The following FHIP2B variants were observed in gnomAD, a reference collection of about 807,000 sequenced individuals.
The protein encoded by FHIP2B is FHF complex subunit HOOK-interacting protein 2B.
FHIP2B carries 72 observed loss-of-function variants against 84.0 expected under a neutral mutation model. That is an observed-to-expected ratio of 0.86 (90% CI 0.71 to 1.04). FHIP2B has a LOEUF of 1.04. Ranked by LOEUF, FHIP2B falls within the 50% of genes least tolerant of loss-of-function variation. The probability of loss-of-function intolerance (pLI) is 0.00; values close to 1 mark genes in which losing one functional copy is unlikely to be tolerated. For synonymous variants in FHIP2B, 497 were observed against 418.7 expected (o/e 1.19, Z -2.28); for missense variants, 972 against 968.9 (o/e 1.00, Z -0.04).
In FHIP2B at chr8:22,089,229, C is replaced by G; in HGVS notation, c.-25C>G. ...GAGCGCTGCCGCCGCCGCTTTCGCC[C>G]GGGAGCCGGGGGCCGGGCGCCATCA... On this transcript the variant is annotated 5_prime_UTR_variant, in exon 1 of 17. Transcript: ENST00000289921. 1 of 1,060,258 alleles carries G rather than the reference C, an allele frequency of 9.4e-7. No individual in the cohort carries two copies. Among genetic ancestry groups the G allele is most frequent in the Non-Finnish European group, 1.1e-6 (1 of 879,480 alleles). 65.7% of individuals were successfully genotyped at this position (1,060,258 alleles called of 1,614,324 possible).
At position 22,102,394 on chromosome 8, in the gene FHIP2B, G is replaced by C; in HGVS notation, c.1992+79G>C. 5 of 1,439,824 alleles carry C rather than the reference G, an allele frequency of 3.5e-6. No individual in the cohort carries two copies. In the South Asian group the frequency reaches 6.4e-5, roughly 18 times the overall value. The allele number at this position is 1,439,824 out of a possible 1,614,324, so 89.2% of individuals were successfully genotyped here. On this transcript the variant is annotated intron_variant, in intron 15 of 16. Transcript: ENST00000289921. The stretch of plus-strand genomic sequence containing the variant: ...GGGAAAGGGAACGGGGCAGGTGGTT[G>C]GGGGCTGGAGGGGTGGGCACCCTTG...
In FHIP2B at chr8:22,094,491, A is replaced by G. The variant is rs1273777620; in HGVS notation, c.97A>G (p.Ile33Val). The G allele has an allele frequency of 6.2e-7, 1 of 1,611,830 alleles. No individual in the cohort carries two copies. The highest frequency in any genetic ancestry group is 8.5e-7 in the Non-Finnish European group (1 of 1,179,066). Residue 33 changes from isoleucine to valine, a missense_variant, in exon 2 of 17, where the codon ATC becomes GTC. By Grantham distance (29) the Ile-to-Val change is conservative. Transcript: ENST00000289921. ...GGCCTTCGTGGAGCACTGGAAGGGCATCACGCACTACTACATCGAGAGCAC... is the reference window on the plus strand; with the variant it reads ...GGCCTTCGTGGAGCACTGGAAGGGCGTCACGCACTACTACATCGAGAGCAC... Reference protein sequence around the residue: ...LQAFVEHWKGITHYYIESTDE... With the variant: ...LQAFVEHWKGVTHYYIESTDE...
rs997295515 is a variant in FHIP2B, at chr8:22,104,298, C to T, written c.*1367C>T. The T allele has an allele frequency of 6.6e-6, 1 of 152,400 alleles. No homozygotes were observed. Among genetic ancestry groups the T allele is most frequent in the African/African-American group, 2.4e-5 (1 of 41,406 alleles). The allele number at this position is 152,400 out of a possible 1,614,324, so 9.4% of individuals were successfully genotyped here. On this transcript the variant is annotated 3_prime_UTR_variant, in exon 17 of 17. Transcript: ENST00000289921. The stretch of plus-strand genomic sequence containing the variant: ...TATTCGAGGGTTTGGGAGTCACAGA[C>T]CCTCCCCTCTCCTCAGTGCACTTTG...
Position 22,100,745 on chromosome 8 carries a change from T to G in FHIP2B, c.1487+6T>G. ...GAGAGCTATGAGGACACCCTGTAAG[T>G]GAAACCGGCGCCCTTTGGACTCAGC... On this transcript the variant is annotated splice_donor_region_variant and intron_variant, in intron 11 of 16. Transcript: ENST00000289921. 1 of 1,604,630 alleles carries G rather than the reference T, an allele frequency of 6.2e-7. No homozygotes were observed. The highest frequency in any genetic ancestry group is 8.5e-7 in the Non-Finnish European group (1 of 1,174,102).
Position 22,104,831 on chromosome 8 carries a change from T to TTAAA in FHIP2B, c.*1900_*1901insTAAA, listed in dbSNP as rs370807518. On this transcript the variant is annotated 3_prime_UTR_variant, in exon 17 of 17. Coordinates refer to ENST00000289921, the MANE Select transcript of FHIP2B (RefSeq NM_022749.7). ...CTGGGCAATAGAGTAAGACCCTGTC[T>TTAAA]AAAAAAAAAAAAAAAAAATTTCACA... is the stretch of plus-strand genomic sequence containing the variant. 7.9e-6 allele frequency: 1 copy of TTAAA among 126,520 alleles called. No homozygotes were observed. Among genetic ancestry groups the TTAAA allele is most frequent in the Non-Finnish European group, 1.7e-5 (1 of 60,430 alleles). The allele number at this position is 126,520 out of a possible 1,614,324, so 7.8% of individuals were successfully genotyped here.
intron 2 of FHIP2B, 190 bp downstream of exon 2, chr8:22,094,708 A>C: frequency 1.4e-6 from 2 of 1,413,308 alleles, no homozygotes; most frequent in Non-Finnish European, 1.8e-6. Context: ...ACTCCTGATG[A>C]TTTAGCTGCC....
chr8:22,094,620 C>T (rs1225529062), intron 2 of FHIP2B, 102 bp downstream of exon 2: 2 of 1,570,886 alleles, frequency 1.3e-6, no homozygotes, highest in South Asian at 1.1e-5. Flanking sequence ...GTAACCTGCC[C>T]AGTCGTTCAG....
At position 22,102,533 on chromosome 8, in the gene FHIP2B, C is replaced by T. The variant is rs771301894; in HGVS notation, c.1998C>T (p.Ile666=). ...RSLFSVLVRV[I]GDLMQRIQRV... ...CCCTGTGATTCCCGCTGTAGGTGAT[C>T]GGGGACTTGATGCAGAGAATCCAGA... is the stretch of plus-strand genomic sequence containing the variant. Residue 666 remains isoleucine, a synonymous_variant, in exon 16 of 17, where the codon ATC becomes ATT. Transcript: ENST00000289921. The T allele has an allele frequency of 3.3e-5, 51 of 1,557,082 alleles. No homozygotes were observed. In the Admixed American group the frequency reaches 7.6e-4, roughly 23 times the overall value.
intron 8 of FHIP2B, 105 bp downstream of exon 8, chr8:22,099,161 T>TAAG (rs1825959849): frequency 6.7e-7 from 1 of 1,498,728 alleles, no homozygotes; most frequent in Admixed American, 2.0e-5. Context: ...GTCCAGGAGC[T>TAAG]AAGCGGGGCC....
chr8:22,104,278 G>C lies in FHIP2B; in HGVS notation c.*1347G>C, dbSNP rs1367529529. ...GGACTCTTAGATTCATAAAATATTC[G>C]AGGGTTTGGGAGTCACAGACCCTCC... is the stretch of plus-strand genomic sequence containing the variant. On this transcript the variant is annotated 3_prime_UTR_variant, in exon 17 of 17. Coordinates refer to ENST00000289921, the MANE Select transcript of FHIP2B (RefSeq NM_022749.7). 1 of 152,360 alleles carries C rather than the reference G, an allele frequency of 6.6e-6. No individual in the cohort carries two copies. Among genetic ancestry groups the C allele is most frequent in the South Asian group, 2.1e-4 (1 of 4,832 alleles). The allele number at this position is 152,360 out of a possible 1,614,324, so 9.4% of individuals were successfully genotyped here.
At chr8:22,099,662 T>G in intron 9 of FHIP2B, 42 bp from the exon 10 acceptor site, 1 of 1,531,772 alleles carries the variant, frequency 6.5e-7, no homozygotes, top group Non-Finnish European at 8.7e-7. Context: ...TCATGTGCTG[T>G]CTGCACACAC....
chr8:22,094,524 G>T lies in FHIP2B; in HGVS notation c.124+6G>T, dbSNP rs200684768. ...CTACTACATCGAGAGCACAGGTGCG[G>T]CCTGGCCCTCCCCAGCCCAGGGACC... On this transcript the variant is annotated splice_donor_region_variant and intron_variant, in intron 2 of 16. Coordinates refer to ENST00000289921, the MANE Select transcript of FHIP2B (RefSeq NM_022749.7). The T allele has an allele frequency of 6.2e-7, 1 of 1,609,920 alleles. No homozygotes were observed. Among genetic ancestry groups the T allele is most frequent in the Non-Finnish European group, 8.5e-7 (1 of 1,178,364 alleles).
rs1300736423 is a variant in FHIP2B, at chr8:22,100,543, T to C, written c.1342-51T>C. On this transcript the variant is annotated intron_variant, in intron 10 of 16. Transcript: ENST00000289921. ...TGGGTTAGCCATGCCAAGGCACCCC[T>C]GGGAGCTGGGTGGGGAAGGGGCTAT... is the stretch of plus-strand genomic sequence containing the variant. 2.7e-6 allele frequency: 4 copies of C among 1,486,478 alleles called. 1 individual carries two copies. Among genetic ancestry groups the C allele is most frequent in the Non-Finnish European group, 3.6e-6 (4 of 1,118,422 alleles). The allele number at this position is 1,486,478 out of a possible 1,614,324, so 92.1% of individuals were successfully genotyped here. A position where few individuals can be genotyped will look rare whatever the true frequency, so the allele number is the denominator to read the frequency against.
At position 22,098,220 on chromosome 8, in the gene FHIP2B, C is replaced by T. The variant is rs377271906; in HGVS notation, c.678C>T (p.Asn226=). The part of the protein sequence containing the change: ...DGESCGAQAL[N]SHMPAETEEL... The stretch of plus-strand genomic sequence containing the variant: ...AGTCCTGTGGGGCCCAGGCCTTGAA[C>T]AGCCACATGCCTGCTGAGACCGAGG... The change falls in exon 6 of 17, where the codon AAC becomes AAT. Residue 226 remains asparagine (N), a synonymous_variant. Transcript: ENST00000289921. 2.3e-5 allele frequency: 37 copies of T among 1,587,972 alleles called. No homozygotes were observed. The African/African-American group carries it at 4.0e-4, about 17-fold the overall frequency.
chr8:22,101,419 A>C (rs779299020), intron 12 of FHIP2B, 21 bp from the exon 13 acceptor site: 9 of 1,587,344 alleles, frequency 5.7e-6, no homozygotes, highest in Non-Finnish European at 7.7e-6. Context: ...GAGCGCCTCC[A>C]CACCGGCTTC....
chr8:22,098,298 G>A lies in FHIP2B; in HGVS notation c.756G>A (p.Leu252=), dbSNP rs772236485. The A allele has an allele frequency of 1.9e-6, 3 of 1,561,176 alleles. No individual in the cohort carries two copies. The highest frequency in any genetic ancestry group is 2.3e-5 in the East Asian group (1 of 44,044). Residue 252 remains leucine, a synonymous_variant, in exon 6 of 17, where the codon CTG becomes CTA. Coordinates refer to ENST00000289921, the MANE Select transcript of FHIP2B (RefSeq NM_022749.7). Reference sequence around the variant, plus strand: ...ACCTGATTACCTCCCTGCTTGGGCTGTGCCAGAGCAAGGTGCTGGCAGCAG... The same window carrying A: ...ACCTGATTACCTCCCTGCTTGGGCTATGCCAGAGCAAGGTGCTGGCAGCAG... ...ESNLITSLLG[L]CQSKKSRVAL...
rs983685802 is a variant in FHIP2B, at chr8:22,094,953, G to A, written c.124+435G>A. ...GGCAATGTCCTTGTAGAGATCTGGG[G>A]TAGGAGGAGAACGAAAACCAAGGTG... On this transcript the variant is annotated intron_variant, in intron 2 of 16. Coordinates refer to ENST00000289921, the MANE Select transcript of FHIP2B (RefSeq NM_022749.7). 5 of 990,486 alleles carry A rather than the reference G, an allele frequency of 5.0e-6. No homozygotes were observed. In the African/African-American group the frequency reaches 8.8e-5, roughly 17 times the overall value. The allele number at this position is 990,486 out of a possible 1,614,324, so 61.4% of individuals were successfully genotyped here. A position where few individuals can be genotyped will look rare whatever the true frequency, so the allele number is the denominator to read the frequency against.
chr8:22,090,719 G>A, intron 1 of FHIP2B, among the ~76,000 whole-genome samples: 1 of 152,036 alleles, frequency 6.6e-6, no homozygotes. Flanking sequence ...CCACCTCCTG[G>A]GCTCAAGCAA....
chr8:22,098,351 G>T (rs1352561161), intron 6 of FHIP2B, 41 bp downstream of exon 6: 1 of 1,538,676 alleles, frequency 6.5e-7, no homozygotes, highest in Non-Finnish European at 8.8e-7. Context: ...GTGGGGGAAG[G>T]GTGGGTTGAC....
Sources: gnomAD v4.1 joint callset for allele counts (sites outside exome capture counted in the v4.1 genomes callset) on GRCh38, gnomAD v4.1.1 for gene constraint, MANE v1.5 for transcripts, NCBI Gene and HGNC (gene_info 2026-07-23, HGNC 2026-07-21) for gene names.